Variants in DGKI observed in about 807,000 individuals in gnomAD.
DGKI encodes the protein DAG kinase iota.
Under a neutral mutation model 147.5 loss-of-function variants are expected in DGKI, and 55 were observed. The ratio of observed to expected loss-of-function variants is 0.37; its 90% CI spans 0.30 to 0.47. The LOEUF (loss-of-function observed/expected upper bound fraction) is 0.47, where lower values mean the gene tolerates loss of function less well. Among genes scored for constraint, DGKI ranks in the 20% least tolerant of loss-of-function variants. DGKI has a pLI of 1.00. For missense variants in DGKI, 1,007 were observed against 1,323.8 expected (o/e 0.76, Z 3.71); for synonymous variants, 469 against 477.1 (o/e 0.98, Z 0.22).
intron 5 of DGKI, among the ~76,000 whole-genome samples, chr7:137,653,817 T>G (rs1206620751): frequency 2.0e-5 from 3 of 152,208 alleles, no homozygotes; most frequent in African/African-American, 7.2e-5. Flanking sequence ...TACCAGACTT[T>G]GTCTTAAGGA....
chr7:137,701,825 A>G (rs570094604), intron 1 of DGKI, among the ~76,000 whole-genome samples: 2 of 152,292 alleles, frequency 1.3e-5, no homozygotes, highest in Non-Finnish European at 1.5e-5. Flanking sequence ...AAAAATGTAT[A>G]TAGCAATAAA....
chr7:137,668,589 G>T (rs1563141490), intron 3 of DGKI, among the ~76,000 whole-genome samples: 1 of 152,186 alleles, frequency 6.6e-6, no homozygotes, highest in Non-Finnish European at 1.5e-5. Flanking sequence ...CTCAGTGTGG[G>T]GAATACAGGA....
intron 1 of DGKI, among the ~76,000 whole-genome samples, chr7:137,835,834 C>G (rs1798361965): frequency 6.6e-6 from 1 of 152,120 alleles, no homozygotes; most frequent in African/African-American, 2.4e-5. Context: ...TGTGTTGAAA[C>G]AGCATCCTGC....
At chr7:137,538,983 G>C (rs2128960197) in intron 20 of DGKI, among the ~76,000 whole-genome samples, 1 of 152,288 alleles carries the variant, frequency 6.6e-6, no homozygotes, top group African/African-American at 2.4e-5. Flanking sequence ...CAAAATGCTT[G>C]TGCTCCAGCT....
At chr7:137,396,484 A>G (rs2128894091) in intron 31 of DGKI, among the ~76,000 whole-genome samples, 1 of 152,332 alleles carries the variant, frequency 6.6e-6, no homozygotes, top group Middle Eastern at 3.4e-3. Flanking sequence ...TTCAGGAAAA[A>G]TCAATAGCAG....
intron 2 of DGKI, among the ~76,000 whole-genome samples, chr7:137,684,128 C>T (rs989024984): frequency 6.6e-6 from 1 of 152,204 alleles, no homozygotes; most frequent in Non-Finnish European, 1.5e-5. Context: ...AGTGGATTGC[C>T]TCCCCTTGAA....
chr7:137,744,028 G>A (rs1205971110), intron 1 of DGKI, among the ~76,000 whole-genome samples: 2 of 148,896 alleles, frequency 1.3e-5, no homozygotes, highest in African/African-American at 5.0e-5. Context: ...AGTAGAAGAA[G>A]AGAAATAACT....
chr7:137,812,603 G>T (rs747196752), intron 1 of DGKI, among the ~76,000 whole-genome samples: 7 of 152,126 alleles, frequency 4.6e-5, no homozygotes, highest in Admixed American at 1.3e-4. Flanking sequence ...TGCATAAATG[G>T]CAGTATTCCA....
intron 5 of DGKI, among the ~76,000 whole-genome samples, chr7:137,650,997 G>C (rs1261714240): frequency 6.6e-6 from 1 of 152,234 alleles, no homozygotes; most frequent in Non-Finnish European, 1.5e-5. Flanking sequence ...TGGAAGGGCA[G>C]GCAGGGGCCA....
chr7:137,816,363 T>C (rs1416350046), intron 1 of DGKI, among the ~76,000 whole-genome samples: 1 of 152,212 alleles, frequency 6.6e-6, no homozygotes, highest in Non-Finnish European at 1.5e-5. Context: ...AATAATCAGA[T>C]ACCTACCCCC....
At chr7:137,679,990 C>CAA (rs768437551) in intron 2 of DGKI, among the ~76,000 whole-genome samples, 607 of 53,454 alleles carry the variant, frequency 0.011, 16 homozygotes, top group African/African-American at 0.033. Context: ...GACTCCATCT[C>CAA]AAAAAAAAAA....
chr7:137,523,794 G>A (rs968878463), intron 20 of DGKI, among the ~76,000 whole-genome samples: 1 of 152,154 alleles, frequency 6.6e-6, no homozygotes, highest in East Asian at 1.9e-4. Flanking sequence ...CAGACCTTCA[G>A]TTAGTAGAAC....
rs958007824 is a variant in DGKI at position 137,674,737 on chromosome 7, G to A, written c.606+3820C>T. On this transcript the variant is annotated intron_variant, in intron 3 of 32. Transcript: ENST00000614521. ...CTGCTCATGTTCCTCTTCCCTGCCC[G>A]AAATGTTCTCCTTCTTCAAAATCAC... Among the ~76,000 whole-genome samples, 6 of 152,214 alleles carry A rather than the reference G, an allele frequency of 3.9e-5. No individual in the cohort carries two copies. The East Asian group carries it at 1.2e-3, about 29-fold the overall frequency.
intron 1 of DGKI, among the ~76,000 whole-genome samples, chr7:137,724,026 A>C (rs1274905138): frequency 6.6e-6 from 1 of 152,050 alleles, no homozygotes; most frequent in Admixed American, 6.6e-5. Flanking sequence ...CCTTTTGATA[A>C]GGTATCATGA....
At chr7:137,816,941 G>T (rs1797755114) in intron 1 of DGKI, among the ~76,000 whole-genome samples, 1 of 152,096 alleles carries the variant, frequency 6.6e-6, no homozygotes, top group Non-Finnish European at 1.5e-5. Context: ...TTTATCAGCA[G>T]CCTGACCTCT....
intron 28 of DGKI, among the ~76,000 whole-genome samples, chr7:137,423,848 T>C (rs956142624): frequency 6.6e-6 from 1 of 152,168 alleles, no homozygotes; most frequent in African/African-American, 2.4e-5. Flanking sequence ...ATTGTAAATA[T>C]AGATTATTTG....
intron 32 of DGKI, among the ~76,000 whole-genome samples, chr7:137,391,797 A>C (rs577961592): frequency 6.6e-6 from 1 of 152,334 alleles, no homozygotes; most frequent in South Asian, 2.1e-4. Flanking sequence ...GGAAATCAAC[A>C]TACAGAAACT....
chr7:137,431,526 C>T (rs1044883969), intron 28 of DGKI, among the ~76,000 whole-genome samples: 3 of 152,156 alleles, frequency 2.0e-5, no homozygotes, highest in African/African-American at 7.2e-5. Context: ...GGGTCTGTGG[C>T]AAGGTGTGGC....
At chr7:137,527,699 C>T (rs1320363750) in intron 20 of DGKI, among the ~76,000 whole-genome samples, 5 of 152,078 alleles carry the variant, frequency 3.3e-5, no homozygotes, top group Non-Finnish European at 5.9e-5. Flanking sequence ...TTCAACCAGG[C>T]ATTTGCTACT....
Sources: allele counts gnomAD v4.1 joint callset (sites outside exome capture counted in the v4.1 genomes callset), GRCh38; gene constraint gnomAD v4.1.1; transcripts MANE v1.5; gene names NCBI Gene and HGNC (gene_info 2026-07-23, HGNC 2026-07-21).